RERE: variants seen among roughly 807,000 people sequenced by gnomAD.
The protein encoded by RERE is arginine-glutamic acid dipeptide repeats protein.
In RERE, 40 loss-of-function variants were observed where a neutral mutation model predicts 146.1. The observed-to-expected ratio is 0.27, with a 90% confidence interval of 0.21 to 0.36. The LOEUF (loss-of-function observed/expected upper bound fraction) is 0.36. Among genes scored for constraint, RERE ranks in the 10% least tolerant of loss-of-function variants. The pLI is 1.00. For missense variants in RERE, 1,933 were observed against 2,138.7 expected (o/e 0.90, Z 1.90); for synonymous variants, 1,003 against 866.0 (o/e 1.16, Z -2.78).
At chr1:8,472,004 G>C (rs1311186134) in intron 10 of RERE, among the ~76,000 whole-genome samples, 1 of 152,126 alleles carries the variant, frequency 6.6e-6, no homozygotes, top group African/African-American at 2.4e-5. Context: ...TAGAGATGAG[G>C]TTTTGCCATG....
chr1:8,621,162 A>G (rs539177729), intron 3 of RERE, among the ~76,000 whole-genome samples: 3 of 152,240 alleles, frequency 2.0e-5, no homozygotes, highest in Admixed American at 2.0e-4. Flanking sequence ...TTTGAGAGTG[A>G]AAGGGGAGGC....
chr1:8,524,448 C>G (rs1645546077), intron 7 of RERE, among the ~76,000 whole-genome samples: 1 of 152,144 alleles, frequency 6.6e-6, no homozygotes, highest in African/African-American at 2.4e-5. Context: ...CCATGCAACA[C>G]TCCAAATTCA....
intron 4 of RERE, among the ~76,000 whole-genome samples, chr1:8,595,158 CAAA>C (rs1050957833): frequency 4.5e-5 from 3 of 66,348 alleles, no homozygotes; most frequent in African/African-American, 1.6e-4. Context: ...AGACCGTGTC[CAAA>C]AAAAAAAAAA....
At chr1:8,689,626 C>T (rs1371927957) in intron 1 of RERE, among the ~76,000 whole-genome samples, 1 of 152,104 alleles carries the variant, frequency 6.6e-6, no homozygotes, top group African/African-American at 2.4e-5. Flanking sequence ...AGTTTCAGTT[C>T]CCATGCCAGA....
At chr1:8,498,695 C>CAAAA (rs1203388426) in intron 8 of RERE, among the ~76,000 whole-genome samples, 54 of 96,880 alleles carry the variant, frequency 5.6e-4, no homozygotes, top group African/African-American at 2.0e-3. Flanking sequence ...GACTCCATCT[C>CAAAA]AAAAAAAAAA....
chr1:8,481,557 A>G (rs939979007), intron 10 of RERE, among the ~76,000 whole-genome samples: 1 of 152,248 alleles, frequency 6.6e-6, no homozygotes, highest in Non-Finnish European at 1.5e-5. Context: ...GCCTCATAGA[A>G]TTGTTATGAA....
chr1:8,553,381 T>C (rs1293901530), intron 6 of RERE, among the ~76,000 whole-genome samples: 4 of 150,772 alleles, frequency 2.7e-5, no homozygotes, highest in South Asian at 4.2e-4. Flanking sequence ...ATTGCACCAT[T>C]AGGCCAGCGC....
At chr1:8,487,226 T>C (rs866873913) in intron 10 of RERE, among the ~76,000 whole-genome samples, 3 of 152,072 alleles carry the variant, frequency 2.0e-5, no homozygotes, top group African/African-American at 7.2e-5. Flanking sequence ...CAAAATTCAA[T>C]GCCCATTCAC....
chr1:8,697,245 A>G (rs1639351346), intron 1 of RERE, among the ~76,000 whole-genome samples: 1 of 152,266 alleles, frequency 6.6e-6, no homozygotes, highest in South Asian at 2.1e-4. Context: ...CACTCAAAAA[A>G]GAAGGTAACA....
At chr1:8,664,923 A>G (rs1638536616) in intron 1 of RERE, among the ~76,000 whole-genome samples, 2 of 152,176 alleles carry the variant, frequency 1.3e-5, no homozygotes, top group South Asian at 2.1e-4. Context: ...CATTATGTCA[A>G]TCCCCACTTT....
chr1:8,638,770 T>C (rs1570548514), intron 2 of RERE, among the ~76,000 whole-genome samples: 1 of 146,984 alleles, frequency 6.8e-6, no homozygotes, highest in Non-Finnish European at 1.5e-5. Context: ...AGGAAACTCA[T>C]AGACGAAAAA....
intron 12 of RERE, among the ~76,000 whole-genome samples, chr1:8,375,858 C>G (rs1425597405): frequency 7.0e-6 from 1 of 142,688 alleles, no homozygotes; most frequent in Non-Finnish European, 1.5e-5. Context: ...AACAAGCAAA[C>G]AACATTTTAC....
intron 10 of RERE, among the ~76,000 whole-genome samples, chr1:8,491,167 G>A (rs891043240): frequency 4.0e-5 from 6 of 150,756 alleles, no homozygotes; most frequent in Middle Eastern, 3.4e-3. Context: ...TGGGCCAGGC[G>A]CAGTGGCTCA....
In RERE at chr1:8,760,546, G is replaced by A. The variant is rs904416179; in HGVS notation, c.-145+56614C>T. Among the ~76,000 whole-genome samples, 10 of 152,236 alleles carry A rather than the reference G, an allele frequency of 6.6e-5. No individual in the cohort carries two copies. The South Asian group carries it at 1.5e-3, about 22-fold the overall frequency. ...GTGAAGGGTGAGAGGTCACAGGGAGGGTAGCAGGAAGCCCAAGAACAGGTA... is the reference window on the plus strand; with the variant it reads ...GTGAAGGGTGAGAGGTCACAGGGAGAGTAGCAGGAAGCCCAAGAACAGGTA... On this transcript the variant is annotated intron_variant, in intron 1 of 22. Coordinates refer to ENST00000400908, the MANE Select transcript of RERE (RefSeq NM_001042681.2).
chr1:8,741,566 A>G (rs1640310504), intron 1 of RERE, among the ~76,000 whole-genome samples: 1 of 152,170 alleles, frequency 6.6e-6, no homozygotes, highest in South Asian at 2.1e-4. Flanking sequence ...TGATGGTTTT[A>G]TAAGAAGCTC....
At chr1:8,779,756 C>T (rs958139873) in intron 1 of RERE, among the ~76,000 whole-genome samples, 4 of 151,984 alleles carry the variant, frequency 2.6e-5, no homozygotes, top group Non-Finnish European at 5.9e-5. Flanking sequence ...ATGACAATCA[C>T]TTATTTACTG....
At chr1:8,673,177 C>T (rs906560801) in intron 1 of RERE, among the ~76,000 whole-genome samples, 4 of 152,192 alleles carry the variant, frequency 2.6e-5, no homozygotes, top group Non-Finnish European at 4.4e-5. Flanking sequence ...CTCACTGCAA[C>T]CTCCACCTCC....
chr1:8,499,508 G>C (rs1645100446), intron 8 of RERE, among the ~76,000 whole-genome samples: 1 of 152,196 alleles, frequency 6.6e-6, no homozygotes. Context: ...GGGACCCAGT[G>C]TGTGTACATC....
chr1:8,369,439 G>A (rs1257552961), intron 12 of RERE, among the ~76,000 whole-genome samples: 3 of 140,288 alleles, frequency 2.1e-5, no homozygotes, highest in African/African-American at 5.3e-5. Context: ...TTCACCATCT[G>A]AGTGCCAAGG....
Sources: gnomAD v4.1 joint callset for allele counts (sites outside exome capture counted in the v4.1 genomes callset) on GRCh38, gnomAD v4.1.1 for gene constraint, MANE v1.5 for transcripts, NCBI Gene and HGNC (gene_info 2026-07-23, HGNC 2026-07-21) for gene names.